Variants in SPIDR observed in about 807,000 individuals in gnomAD.
SPIDR encodes DNA repair-scaffolding protein.
A neutral mutation model predicts 104.6 loss-of-function variants in SPIDR; 93 were observed. The observed-to-expected ratio is 0.89, with a 90% CI of 0.75 to 1.06. The LOEUF (loss-of-function observed/expected upper bound fraction) is 1.06. Among genes scored for constraint, SPIDR ranks in the 50% least tolerant of loss-of-function variants. The pLI is 0.00. For missense variants in SPIDR, 1,154 were observed against 1,111.2 expected (o/e 1.04, Z -0.55); for synonymous variants, 431 against 416.9 (o/e 1.03, Z -0.41).
At chr8:47,273,063 G>A (rs2035658689) in intron 1 of SPIDR, among the ~76,000 whole-genome samples, 1 of 152,156 alleles carries the variant, frequency 6.6e-6, no homozygotes, top group Admixed American at 6.5e-5. Flanking sequence ...CTGACACCAA[G>A]CATCCAGTAG....
intron 8 of SPIDR, among the ~76,000 whole-genome samples, chr8:47,506,522 A>G (rs183835539): frequency 6.6e-6 from 1 of 152,192 alleles, no homozygotes; most frequent in African/African-American, 2.4e-5. Flanking sequence ...TGCAAGGCTA[A>G]TATCACCAAT....
chr8:47,476,382 C>A lies in SPIDR; in HGVS notation c.1097+35840C>A, dbSNP rs1211220358. ...TGTGACACAGCATTTACAGCTACTT[C>A]ATTAGGGTGATGAGGAGATATGAAA... On this transcript the variant is annotated intron_variant, in intron 8 of 19. Transcript: ENST00000297423. Among the ~76,000 whole-genome samples, 3 of 152,316 alleles carry A rather than the reference C, an allele frequency of 2.0e-5. No individual in the cohort carries two copies. The East Asian group carries it at 5.8e-4, about 29-fold the overall frequency.
intron 12 of SPIDR, 54 bp from the exon 13 acceptor site, chr8:47,701,667 T>C (rs1209473081): frequency 7.7e-6 from 12 of 1,554,200 alleles, no homozygotes; most frequent in Admixed American, 3.7e-5. Flanking sequence ...ATATCTCCTC[T>C]TTTTGAGTCT....
intron 5 of SPIDR, among the ~76,000 whole-genome samples, chr8:47,355,271 TAAA>T (rs34902790): frequency 5.1e-5 from 6 of 116,540 alleles, no homozygotes; most frequent in Non-Finnish European, 8.7e-5. Flanking sequence ...AGGTTTTTTG[TAAA>T]AAAAAAAAAA....
intron 3 of SPIDR, among the ~76,000 whole-genome samples, chr8:47,285,271 A>G (rs1019265238): frequency 1.4e-4 from 21 of 152,358 alleles, no homozygotes; most frequent in African/African-American, 4.1e-4. Flanking sequence ...TTCAAGTGAC[A>G]TGGAAGAGGT....
At chr8:47,331,965 C>CTTTTTTTTTTTTTTTTTTTTTTTTTTTT (rs1183447584) in intron 5 of SPIDR, among the ~76,000 whole-genome samples, 7 of 32,698 alleles carry the variant, frequency 2.1e-4, no homozygotes, top group Non-Finnish European at 4.0e-4. Flanking sequence ...TTTTTTTAAA[C>CTTTTTTTTTTTTTTTTTTTTTTTTTTTT]TTTTTTTTTT....
At chr8:47,358,048 C>G (rs919145264) in intron 5 of SPIDR, among the ~76,000 whole-genome samples, 3 of 152,126 alleles carry the variant, frequency 2.0e-5, no homozygotes, top group African/African-American at 7.2e-5. Context: ...AATGACTGTT[C>G]GGCAGACTAT....
At chr8:47,302,314 C>T (rs1042622075) in intron 5 of SPIDR, among the ~76,000 whole-genome samples, 11 of 151,720 alleles carry the variant, frequency 7.3e-5, no homozygotes, top group African/African-American at 2.2e-4. Context: ...TTAAGGACTT[C>T]TCTGCATTGG....
chr8:47,619,660 A>G (rs1432415272), intron 10 of SPIDR, among the ~76,000 whole-genome samples: 1 of 149,836 alleles, frequency 6.7e-6, no homozygotes, highest in East Asian at 2.0e-4. Context: ...TCTGTTGCCT[A>G]GGCCCAGTCA....
At chr8:47,401,230 C>T (rs1456863419) in intron 6 of SPIDR, among the ~76,000 whole-genome samples, 1 of 152,124 alleles carries the variant, frequency 6.6e-6, no homozygotes, top group African/African-American at 2.4e-5. Flanking sequence ...TCATATCCAG[C>T]CAAACTACGC....
At chr8:47,349,578 GGAGGCTACA>G (rs1281147501) in intron 5 of SPIDR, among the ~76,000 whole-genome samples, 4 of 152,236 alleles carry the variant, frequency 2.6e-5, no homozygotes, top group Admixed American at 6.5e-5. Context: ...CCCCAGAGGT[GGAGGCTACA>G]GAGGCAGGCA....
chr8:47,730,347 A>G (rs1270205998), intron 19 of SPIDR, among the ~76,000 whole-genome samples: 1 of 152,210 alleles, frequency 6.6e-6, no homozygotes, highest in East Asian at 1.9e-4. Flanking sequence ...AGCCATTTAA[A>G]AGCACCACAA....
intron 6 of SPIDR, among the ~76,000 whole-genome samples, chr8:47,403,690 A>G (rs1250125883): frequency 2.6e-5 from 4 of 152,212 alleles, no homozygotes; most frequent in African/African-American, 9.7e-5. Context: ...CCACTCCTCA[A>G]CGAAATAAAA....
In SPIDR at chr8:47,729,401, T is replaced by TGCTGTTGCA; in HGVS notation, c.2552_2560dup. 4.1e-5 allele frequency: 65 copies of TGCTGTTGCA among 1,586,528 alleles called. No individual in the cohort carries two copies. Among genetic ancestry groups the TGCTGTTGCA allele is most frequent in the Non-Finnish European group, 5.2e-5 (61 of 1,166,400 alleles). On this transcript the variant is annotated splice_polypyrimidine_tract_variant and intron_variant, in intron 18 of 19. Coordinates refer to ENST00000297423, the MANE Select transcript of SPIDR (RefSeq NM_001080394.4). ...AGGGAGTTTAACCCAGCCCTGCTTC[T>TGCTGTTGCA]GCTGTTGCAGCTGTTGCAGCGCAGC...
Position 47,261,071 on chromosome 8 carries a change from G to C in SPIDR, c.33+80G>C, listed in dbSNP as rs550844011. The C allele has an allele frequency of 3.2e-5, 39 of 1,215,120 alleles. No homozygotes were observed. The South Asian group carries it at 1.5e-3, about 47-fold the overall frequency. The allele number at this position is 1,215,120 out of a possible 1,614,324, so 75.3% of individuals were successfully genotyped here. On this transcript the variant is annotated intron_variant, in intron 1 of 19. Transcript: ENST00000297423. ...GGCGGGCCGGCGCGGGGCTGGCCCC[G>C]TTGTGCTGGGGTGAGAGAGGGTGGG...
intron 8 of SPIDR, among the ~76,000 whole-genome samples, chr8:47,572,066 G>A (rs2058581372): frequency 6.6e-6 from 1 of 152,110 alleles, no homozygotes; most frequent in African/African-American, 2.4e-5. Context: ...TATGTAGTGA[G>A]TGCTCAGTAA....
At chr8:47,513,362 A>T (rs1008641002) in intron 8 of SPIDR, among the ~76,000 whole-genome samples, 25 of 152,226 alleles carry the variant, frequency 1.6e-4, no homozygotes, top group Admixed American at 6.5e-5. Context: ...TCCAGCCACT[A>T]AAGTACCTCT....
At chr8:47,465,929 C>T (rs1186763477) in intron 8 of SPIDR, among the ~76,000 whole-genome samples, 1 of 152,042 alleles carries the variant, frequency 6.6e-6, no homozygotes, top group Non-Finnish European at 1.5e-5. Context: ...GACAAAGAAT[C>T]ACATTACATA....
chr8:47,684,552 C>T (rs570850644), intron 11 of SPIDR, among the ~76,000 whole-genome samples: 14 of 152,256 alleles, frequency 9.2e-5, no homozygotes, highest in African/African-American at 2.9e-4. Context: ...AAATCTACTT[C>T]CAAAAGTTGT....
Sources: allele counts gnomAD v4.1 joint callset (sites outside exome capture counted in the v4.1 genomes callset), GRCh38; gene constraint gnomAD v4.1.1; transcripts MANE v1.5; gene names NCBI Gene and HGNC (gene_info 2026-07-23, HGNC 2026-07-21).